Variants in RAD54L observed in about 807,000 individuals in gnomAD.
RAD54L encodes DNA repair and recombination protein RAD54-like.
RAD54L carries 74 observed loss-of-function variants against 91.6 expected under a neutral mutation model. That is an observed-to-expected ratio of 0.81 (90% confidence interval 0.67 to 0.98). The LOEUF (loss-of-function observed/expected upper bound fraction) is 0.98. RAD54L is among the 50% of genes least tolerant of loss of function. RAD54L has a pLI of 0.00. For synonymous variants in RAD54L, 304 were observed against 349.7 expected, an observed-to-expected ratio of 0.87 and a Z score of 1.46; for missense variants, 887 against 945.7, an observed-to-expected ratio of 0.94 and a Z score of 0.81.
Position 46,250,004 on chromosome 1 carries a change from C to G in RAD54L, c.95C>G (p.Pro32Arg), listed in dbSNP as rs112896925. The change falls in exon 3 of 18, where the codon CCT becomes CGT. Residue 32 changes from proline to arginine, a missense_variant. Pro to Arg is a moderately radical substitution (Grantham distance 103, BLOSUM62 -2). Coordinates refer to ENST00000371975, the MANE Select transcript of RAD54L (RefSeq NM_003579.4). ...DEDWQPGLVT[P>R]RKRKSSSETQ... ...TTTCCCAATTCTCTCTCCTAGACTC[C>G]TAGGAAACGGAAATCCAGCAGTGAG... The G allele has an allele frequency of 3.2e-5, 52 of 1,613,992 alleles. 1 individual carries two copies. The African/African-American group carries it at 3.5e-4, about 11-fold the overall frequency.
chr1:46,277,739 C>CT, intron 16 of RAD54L, 78 bp from the exon 17 acceptor site: 1 of 1,496,112 alleles, frequency 6.7e-7, no homozygotes, highest in Non-Finnish European at 9.3e-7. Flanking sequence ...AGTTTCAACC[C>CT]TTTGGTTTTC....
chr1:46,277,100 G>T (rs1048076985), intron 16 of RAD54L, among the ~76,000 whole-genome samples: 1 of 152,164 alleles, frequency 6.6e-6, no homozygotes, highest in Non-Finnish European at 1.5e-5. Flanking sequence ...TGTCCCCAAG[G>T]TTCTTTAATG....
chr1:46,256,614 A>AGCAAGACTCCATCT (rs1659947016), intron 3 of RAD54L, among the ~76,000 whole-genome samples: 1 of 151,464 alleles, frequency 6.6e-6, no homozygotes, highest in African/African-American at 2.4e-5. Context: ...AGCCTGGGCG[A>AGCAAGACTCCATCT]CAAAATGAGA....
At chr1:46,261,192 AT>A in intron 7 of RAD54L, 68 bp from the exon 8 acceptor site, 4 of 1,585,874 alleles carry the variant, frequency 2.5e-6, no homozygotes, top group Non-Finnish European at 3.4e-6. Context: ...GAACTGTCTA[AT>A]TGTTTTTTTT....
At position 46,250,025 on chromosome 1, in the gene RAD54L, G is replaced by A. The variant is rs1481353936; in HGVS notation, c.116G>A (p.Ser39Asn). 1.2e-6 allele frequency: 2 copies of A among 1,614,130 alleles called. No homozygotes were observed. Among genetic ancestry groups the A allele is most frequent in the African/African-American group, 1.3e-5 (1 of 75,056 alleles). Residue 39 changes from serine (S) to asparagine (N), a missense_variant, in exon 3 of 18, where the codon AGT (serine) becomes AAT (asparagine). By Grantham distance (46) the Ser-to-Asn change is conservative. Transcript: ENST00000371975. ...LVTPRKRKSS[S>N]ETQIQECFLS... The stretch of plus-strand genomic sequence containing the variant: ...ACTCCTAGGAAACGGAAATCCAGCA[G>A]TGAGACCCAGATCCAGGAGTGTTTC...
chr1:46,255,926 CTT>C (rs1448343526), intron 3 of RAD54L, among the ~76,000 whole-genome samples: 4 of 152,168 alleles, frequency 2.6e-5, no homozygotes, highest in African/African-American at 4.8e-5. Context: ...TATTGAAAGT[CTT>C]TTTAAATTTA....
intron 9 of RAD54L, among the ~76,000 whole-genome samples, chr1:46,269,072 T>G (rs1660345301): frequency 6.6e-6 from 1 of 152,178 alleles, no homozygotes; most frequent in Non-Finnish European, 1.5e-5. Flanking sequence ...GCTTCCATCT[T>G]TTTCTGTTTG....
intron 8 of RAD54L, among the ~76,000 whole-genome samples, chr1:46,262,640 T>A (rs1344889395): frequency 6.6e-6 from 1 of 152,028 alleles, no homozygotes; most frequent in Non-Finnish European, 1.5e-5. Context: ...TTTCTAGTCT[T>A]GTCTTTGTCC....
intron 13 of RAD54L, 38 bp from the exon 14 acceptor site, chr1:46,273,586 A>G: frequency 6.2e-7 from 1 of 1,612,508 alleles, no homozygotes. Flanking sequence ...GGCCATTGGG[A>G]CAGCCAGTAG....
At chr1:46,248,816 T>C (rs1659724480) in intron 2 of RAD54L, among the ~76,000 whole-genome samples, 1 of 152,222 alleles carries the variant, frequency 6.6e-6, no homozygotes, top group Non-Finnish European at 1.5e-5. Context: ...TCAGTTTTCC[T>C]GGTGGGAAAA....
intron 9 of RAD54L, among the ~76,000 whole-genome samples, chr1:46,269,074 T>C (rs979111183): frequency 1.3e-5 from 2 of 152,192 alleles, no homozygotes; most frequent in African/African-American, 4.8e-5. Flanking sequence ...TTCCATCTTT[T>C]TCTGTTTGGA....
chr1:46,256,773 TAAGG>T (rs982712248), intron 3 of RAD54L, among the ~76,000 whole-genome samples: 4 of 152,196 alleles, frequency 2.6e-5, no homozygotes, highest in Non-Finnish European at 5.9e-5. Flanking sequence ...TTTAGTGTGA[TAAGG>T]AAGTTCATTT....
intron 8 of RAD54L, among the ~76,000 whole-genome samples, chr1:46,264,362 G>A (rs982356228): frequency 6.6e-6 from 1 of 152,232 alleles, no homozygotes; most frequent in African/African-American, 2.4e-5. Flanking sequence ...AGGCTTTCAT[G>A]TTCTCAGCTC....
At chr1:46,258,440 C>G (rs28363208) in intron 3 of RAD54L, among the ~76,000 whole-genome samples, 3,024 of 152,252 alleles carry the variant, frequency 0.02, 115 homozygotes, top group African/African-American at 0.069. Context: ...TTCCAAGGTG[C>G]TATACCCTAG....
chr1:46,254,176 T>C (rs1031975108), intron 3 of RAD54L, among the ~76,000 whole-genome samples: 2 of 152,136 alleles, frequency 1.3e-5, no homozygotes, highest in Non-Finnish European at 2.9e-5. Flanking sequence ...GGTTTTACCA[T>C]GTAGGCCAGG....
At position 46,273,640 on chromosome 1, in the gene RAD54L, G is replaced by A. The variant is rs1400613201; in HGVS notation, c.1503G>A (p.Leu501=). Reference sequence around the variant, plus strand: ...TCTTCCCAGGTAAGATGCTGGTCCTGGATTATATTCTGGCGGTGACCCGAA... The same window carrying A: ...TCTTCCCAGGTAAGATGCTGGTCCTAGATTATATTCTGGCGGTGACCCGAA... The part of the protein sequence containing the change: ...EPQLSGKMLV[L]DYILAVTRSR... The change falls in exon 14 of 18, where the codon CTG becomes CTA. Residue 501 remains leucine (L), a synonymous_variant. Transcript: ENST00000371975. 6.2e-7 allele frequency: 1 copy of A among 1,613,674 alleles called. No individual in the cohort carries two copies. The highest frequency in any genetic ancestry group is 8.5e-7 in the Non-Finnish European group (1 of 1,180,044).
intron 16 of RAD54L, among the ~76,000 whole-genome samples, chr1:46,276,174 CTGAT>C (rs28743172): frequency 0.02 from 3,023 of 152,170 alleles, 112 homozygotes; most frequent in African/African-American, 0.068. Flanking sequence ...CCCCTTCCTT[CTGAT>C]TGATTAACTG....
At chr1:46,266,597 A>G (rs571038973) in intron 8 of RAD54L, among the ~76,000 whole-genome samples, 1 of 152,266 alleles carries the variant, frequency 6.6e-6, no homozygotes, top group East Asian at 1.9e-4. Flanking sequence ...TGGGGAAGAG[A>G]TGTGAAGGGA....
At chr1:46,250,792 T>A (rs1007297303) in intron 3 of RAD54L, among the ~76,000 whole-genome samples, 1 of 151,800 alleles carries the variant, frequency 6.6e-6, no homozygotes, top group Non-Finnish European at 1.5e-5. Context: ...CTGGCCAACA[T>A]GGTGAAACCC....
Sources: allele counts gnomAD v4.1 joint callset (sites outside exome capture counted in the v4.1 genomes callset), GRCh38; gene constraint gnomAD v4.1.1; transcripts MANE v1.5; gene names NCBI Gene and HGNC (gene_info 2026-07-23, HGNC 2026-07-21).